Variants in DEPDC1B observed in about 807,000 individuals in gnomAD.
DEPDC1B encodes the protein DEP domain-containing protein 1B.
Under a neutral mutation model 66.5 loss-of-function variants are expected in DEPDC1B, and 51 were observed. The ratio of observed to expected loss-of-function variants is 0.77; its 90% confidence interval spans 0.61 to 0.97. The LOEUF (loss-of-function observed/expected upper bound fraction) is 0.97, where lower values mean the gene tolerates loss of function less well. Among genes scored for constraint, DEPDC1B ranks in the 50% least tolerant of loss-of-function variants. The probability of loss-of-function intolerance (pLI) is 0.00; values close to 1 mark genes in which losing one functional copy is unlikely to be tolerated. For missense variants in DEPDC1B, 552 were observed against 637.1 expected (o/e 0.87, Z 1.44); for synonymous variants, 226 against 223.6 (o/e 1.01, Z -0.10).
chr5:60,656,724 G>T (rs926653711), intron 2 of DEPDC1B, among the ~76,000 whole-genome samples: 1 of 152,158 alleles, frequency 6.6e-6, no homozygotes, highest in Non-Finnish European at 1.5e-5. Context: ...AGAGAAAATT[G>T]CCCTATAAAA....
intron 3 of DEPDC1B, among the ~76,000 whole-genome samples, chr5:60,646,929 C>A (rs1753331789): frequency 6.6e-6 from 1 of 152,076 alleles, no homozygotes; most frequent in Non-Finnish European, 1.5e-5. Flanking sequence ...TCCCATCATC[C>A]CCAGATGGGA....
At chr5:60,650,773 T>C (rs896252611) in intron 2 of DEPDC1B, among the ~76,000 whole-genome samples, 2 of 152,214 alleles carry the variant, frequency 1.3e-5, no homozygotes, top group African/African-American at 4.8e-5. Flanking sequence ...TTTACAATCA[T>C]ACCTCCTAAC....
intron 2 of DEPDC1B, among the ~76,000 whole-genome samples, chr5:60,667,070 T>A (rs1223883014): frequency 2.6e-5 from 4 of 152,172 alleles, no homozygotes; most frequent in Non-Finnish European, 5.9e-5. Context: ...AAACAATTCC[T>A]AACTCACAGC....
chr5:60,662,424 G>A (rs898466666), intron 2 of DEPDC1B, among the ~76,000 whole-genome samples: 6 of 151,986 alleles, frequency 3.9e-5, no homozygotes, highest in Admixed American at 3.3e-4. Flanking sequence ...CGTAGGCCCA[G>A]AGCAAAACTT....
intron 2 of DEPDC1B, among the ~76,000 whole-genome samples, chr5:60,666,666 G>C (rs1319552654): frequency 6.6e-6 from 1 of 152,112 alleles, no homozygotes; most frequent in South Asian, 2.1e-4. Flanking sequence ...CTCAGGTGAG[G>C]GTAGCAGGGG....
intron 2 of DEPDC1B, chr5:60,647,785 T>C (rs1753356901): frequency 8.5e-6 from 2 of 235,582 alleles, no homozygotes; most frequent in Non-Finnish European, 1.6e-5. Context: ...TACAATGCAT[T>C]ACATTGCACT....
chr5:60,697,276 TTAGAAAAAGCACCA>T lies in DEPDC1B; in HGVS notation c.48+2756_48+2769del, dbSNP rs1383375924. Among the ~76,000 whole-genome samples the T allele has an allele frequency of 5.3e-4, 80 of 152,166 alleles. 1 individual carries two copies. In the East Asian group the frequency reaches 0.013, roughly 25 times the overall value. ...TATTTTCAAATAAGACTTTGGTGCT[TTAGAAAAAGCACCA>T]AAGAGCTTTTTCTAAAGCTGTACAT... On this transcript the variant is annotated intron_variant, in intron 1 of 10. Transcript: ENST00000265036.
At chr5:60,646,423 A>C (rs1411306748) in intron 3 of DEPDC1B, among the ~76,000 whole-genome samples, 1 of 152,200 alleles carries the variant, frequency 6.6e-6, no homozygotes, top group East Asian at 1.9e-4. Context: ...TAAGTTATAG[A>C]ATGTACAGGA....
chr5:60,612,391 C>A (rs1322644663), intron 7 of DEPDC1B, among the ~76,000 whole-genome samples: 1 of 150,158 alleles, frequency 6.7e-6, no homozygotes, highest in Non-Finnish European at 1.5e-5. Context: ...CCGCTGCACT[C>A]CAGCCTGGGC....
chr5:60,601,379 A>T (rs912548541), intron 9 of DEPDC1B, among the ~76,000 whole-genome samples: 2 of 152,266 alleles, frequency 1.3e-5, no homozygotes, highest in African/African-American at 4.8e-5. Flanking sequence ...ACAAGTGTTA[A>T]TGATAATATC....
chr5:60,618,571 T>G (rs2111773281), intron 7 of DEPDC1B, among the ~76,000 whole-genome samples: 1 of 152,238 alleles, frequency 6.6e-6, no homozygotes, highest in Non-Finnish European at 1.5e-5. Flanking sequence ...ACATACACTC[T>G]CCCAAAACTA....
intron 7 of DEPDC1B, among the ~76,000 whole-genome samples, chr5:60,627,515 A>T (rs1752831268): frequency 6.6e-6 from 1 of 152,040 alleles, no homozygotes; most frequent in African/African-American, 2.4e-5. Flanking sequence ...AACATAAGCT[A>T]GAATAACTTT....
chr5:60,666,222 A>G (rs969896307), intron 2 of DEPDC1B, among the ~76,000 whole-genome samples: 9 of 152,160 alleles, frequency 5.9e-5, no homozygotes, highest in African/African-American at 1.9e-4. Flanking sequence ...TTGTTCCTGC[A>G]TGGCTAAGGG....
intron 6 of DEPDC1B, among the ~76,000 whole-genome samples, chr5:60,640,433 G>A (rs1186228824): frequency 6.6e-6 from 1 of 152,136 alleles, no homozygotes; most frequent in Non-Finnish European, 1.5e-5. Flanking sequence ...AGCCCTATGA[G>A]AGGAAGCCAT....
At chr5:60,682,758 A>G (rs1194108716) in intron 2 of DEPDC1B, among the ~76,000 whole-genome samples, 2 of 152,162 alleles carry the variant, frequency 1.3e-5, no homozygotes, top group East Asian at 3.9e-4. Flanking sequence ...GAAAATCTGT[A>G]ATAGATCAAT....
chr5:60,611,513 C>A (rs1457702647), intron 7 of DEPDC1B, among the ~76,000 whole-genome samples: 2 of 152,196 alleles, frequency 1.3e-5, no homozygotes, highest in Non-Finnish European at 2.9e-5. Context: ...ACAAGCTAGG[C>A]CTCTGGTGCC....
chr5:60,667,587 TATAAAA>T (rs1334666169), intron 2 of DEPDC1B, among the ~76,000 whole-genome samples: 14 of 142,528 alleles, frequency 9.8e-5, no homozygotes, highest in African/African-American at 3.7e-4. Flanking sequence ...ATTTTACATA[TATAAAA>T]ATGGATATTT....
chr5:60,663,043 T>C (rs1391716836), intron 2 of DEPDC1B, among the ~76,000 whole-genome samples: 1 of 152,190 alleles, frequency 6.6e-6, no homozygotes, highest in South Asian at 2.1e-4. Context: ...TTTCTAATTA[T>C]GCCTGAAAGC....
At chr5:60,657,140 GA>G (rs937118577) in intron 2 of DEPDC1B, among the ~76,000 whole-genome samples, 2 of 152,166 alleles carry the variant, frequency 1.3e-5, no homozygotes, top group Non-Finnish European at 2.9e-5. Flanking sequence ...CATTTGCATG[GA>G]ATATCTTTTT....
Sources: gnomAD v4.1 joint callset for allele counts (sites outside exome capture counted in the v4.1 genomes callset) on GRCh38, gnomAD v4.1.1 for gene constraint, MANE v1.5 for transcripts, NCBI Gene and HGNC (gene_info 2026-07-23, HGNC 2026-07-21) for gene names.